USP38: variants seen among roughly 807,000 people sequenced by gnomAD.
USP38 encodes the protein ubiquitin specific peptidase 38, also known as ubiquitin carboxyl-terminal hydrolase 38.
A neutral mutation model predicts 94.3 loss-of-function variants in USP38; 49 were observed. The ratio of observed to expected loss-of-function variants is 0.52; its 90% CI spans 0.41 to 0.66. The LOEUF (loss-of-function observed/expected upper bound fraction) is 0.66, where lower values mean the gene tolerates loss of function less well. Among genes scored for constraint, USP38 ranks in the 30% least tolerant of loss-of-function variants. USP38 has a pLI of 0.00. For synonymous variants in USP38, 468 were observed against 463.6 expected (o/e 1.01, Z -0.12); for missense variants, 1,128 against 1,229.4 (o/e 0.92, Z 1.23).
At chr4:143,203,938 TTTAA>T (rs1166946776) in intron 5 of USP38, among the ~76,000 whole-genome samples, 1 of 151,952 alleles carries the variant, frequency 6.6e-6, no homozygotes, top group East Asian at 1.9e-4. Flanking sequence ...GGAAATGGAG[TTTAA>T]TAAAATATTT....
chr4:143,211,679 T>C (rs1732028214), intron 7 of USP38, among the ~76,000 whole-genome samples: 1 of 152,168 alleles, frequency 6.6e-6, no homozygotes. Context: ...TCGAGATGCC[T>C]TTTCAGTTCT....
Position 143,206,045 on chromosome 4 carries a change from C to A in USP38, c.1222C>A (p.Pro408Thr). 1 of 1,596,018 alleles carries A rather than the reference C, an allele frequency of 6.3e-7. No homozygotes were observed. Among genetic ancestry groups the A allele is most frequent in the Admixed American group, 1.7e-5 (1 of 57,246 alleles). Residue 408 changes from proline (P) to threonine (T), a missense_variant, in exon 6 of 10, where the codon CCC (proline) becomes ACC (threonine). Pro to Thr is a conservative substitution (Grantham distance 38). Transcript: ENST00000307017. ...ILEAIKDFPK[P>T]SEEKIKLILN... ...TTATGACCTATAGGATTTTCCTAAG[C>A]CCAGTGAAGAGAAGATTAAGTTAAT...
At chr4:143,186,589 A>C (rs963268953) in intron 1 of USP38, among the ~76,000 whole-genome samples, 1 of 151,848 alleles carries the variant, frequency 6.6e-6, no homozygotes, top group Non-Finnish European at 1.5e-5. Context: ...AGTTTGTTTT[A>C]TTACTGGATT....
chr4:143,209,255 A>G (rs1490743296), intron 6 of USP38, among the ~76,000 whole-genome samples: 1 of 152,172 alleles, frequency 6.6e-6, no homozygotes, highest in African/African-American at 2.4e-5. Flanking sequence ...TTAGATAGAT[A>G]ACTTCCTTAG....
chr4:143,200,277 A>G (rs1001020091), intron 4 of USP38, among the ~76,000 whole-genome samples: 18 of 152,228 alleles, frequency 1.2e-4, no homozygotes, highest in Non-Finnish European at 1.0e-4. Context: ...AAATAAAGAC[A>G]TAAACTACAT....
intron 9 of USP38, among the ~76,000 whole-genome samples, chr4:143,219,805 A>T (rs1196933313): frequency 6.6e-6 from 1 of 152,118 alleles, no homozygotes; most frequent in African/African-American, 2.4e-5. Flanking sequence ...CTTGGCATCT[A>T]GATAAATATG....
Position 143,214,687 on chromosome 4 carries a change from T to G in USP38, c.2711T>G (p.Leu904Trp). The change falls in exon 9 of 10, where the codon TTG (leucine) becomes TGG (tryptophan). Residue 904 changes from leucine to tryptophan, a missense_variant. By Grantham distance (61) the Leu-to-Trp change is moderately conservative (BLOSUM62 -2). Transcript: ENST00000307017. The stretch of plus-strand genomic sequence containing the variant: ...CCCAGTGCAGTTTTTGAACAGGATT[T>G]GGAAAATAAGGAAATGTCAAAAGAA... ...DSPSAVFEQD[L>W]ENKEMSKEWF... 1 of 1,613,766 alleles carries G rather than the reference T, an allele frequency of 6.2e-7. No homozygotes were observed.
At chr4:143,188,054 T>G in intron 2 of USP38, 93 bp downstream of exon 2, 2 of 1,394,136 alleles carry the variant, frequency 1.4e-6, no homozygotes, top group Non-Finnish European at 1.9e-6. Flanking sequence ...TACGAATGTT[T>G]AAAACTAAAA....
intron 8 of USP38, 25 bp from the exon 9 acceptor site, chr4:143,213,556 T>C (rs1204850142): frequency 6.4e-7 from 1 of 1,550,648 alleles, no homozygotes; most frequent in Non-Finnish European, 8.7e-7. Context: ...TTTAAGTAGC[T>C]ATATAATGAT....
intron 7 of USP38, among the ~76,000 whole-genome samples, chr4:143,212,040 A>C (rs188074857): frequency 3.3e-5 from 5 of 152,278 alleles, no homozygotes; most frequent in African/African-American, 7.2e-5. Context: ...GTTCTACTTT[A>C]ATGCCTTGTG....
At position 143,210,461 on chromosome 4, in the gene USP38, C is replaced by G. The variant is rs1022294991; in HGVS notation, c.1497+804C>G. Among the ~76,000 whole-genome samples the G allele has an allele frequency of 3.3e-5, 5 of 152,062 alleles. No individual in the cohort carries two copies. The East Asian group carries it at 7.7e-4, about 23-fold the overall frequency. ...AATTAGCCAGGCATGGTGGCACACG[C>G]CTGTAATCCCAGCTACTCAGGAGGC... On this transcript the variant is annotated intron_variant, in intron 7 of 9. Coordinates refer to ENST00000307017, the MANE Select transcript of USP38 (RefSeq NM_032557.6).
intron 5 of USP38, among the ~76,000 whole-genome samples, chr4:143,204,142 C>T (rs1308672511): frequency 2.6e-5 from 4 of 151,956 alleles, no homozygotes; most frequent in East Asian, 1.9e-4. Context: ...CCACCATGCC[C>T]GGCTAATTTG....
intron 3 of USP38, 73 bp downstream of exon 3, chr4:143,195,918 C>A: frequency 1.5e-6 from 2 of 1,328,888 alleles, no homozygotes; most frequent in Non-Finnish European, 2.0e-6. Flanking sequence ...TGGGTGGTAT[C>A]CTTGAAAGCA....
chr4:143,212,408 A>G lies in USP38; in HGVS notation c.1588A>G (p.Arg530Gly). Residue 530 changes from arginine (R) to glycine (G), a missense_variant, in exon 8 of 10, where the codon AGA becomes GGA. Coordinates refer to ENST00000307017, the MANE Select transcript of USP38 (RefSeq NM_032557.6). ...ACAGCAAGACTGTTCTGAATACCTC[A>G]GATTTCTCCTTGACAGGTAAAAAGT... ...RSQQDCSEYL[R>G]FLLDRLHEEE... is the part of the protein sequence containing the mutation. 6.2e-7 allele frequency: 1 copy of G among 1,601,276 alleles called. No homozygotes were observed. The highest frequency in any genetic ancestry group is 1.1e-5 in the South Asian group (1 of 88,984).
intron 9 of USP38, chr4:143,215,172 T>G: frequency 2.0e-6 from 1 of 499,462 alleles, no homozygotes; most frequent in Non-Finnish European, 3.5e-6. Context: ...TATTTGTTCC[T>G]TACAAAAGAT....
rs1289188926 is a variant in USP38 at position 143,210,503 on chromosome 4, C to T, written c.1497+846C>T. Among the ~76,000 whole-genome samples the T allele has an allele frequency of 2.0e-5, 3 of 151,872 alleles. No homozygotes were observed. The East Asian group carries it at 5.8e-4, about 29-fold the overall frequency. On this transcript the variant is annotated intron_variant, in intron 7 of 9. Transcript: ENST00000307017. ...TCAGGAGGCTGAGATAGGAGAATTG[C>T]TTGAACCCAGGAGGTGGAGCTTGCG...
In USP38 at chr4:143,203,256, G is replaced by A. The variant is rs966187655; in HGVS notation, c.1051-152G>A. 6 of 756,498 alleles carry A rather than the reference G, an allele frequency of 7.9e-6. No individual in the cohort carries two copies. The African/African-American group carries it at 1.1e-4, about 13-fold the overall frequency. 46.9% of individuals were successfully genotyped at this position (756,498 alleles called of 1,614,324 possible). ...AAACTAGATTTACCTTGATATTTTA[G>A]AAATGTTTAACTTAATAACAAGAAA... is the stretch of plus-strand genomic sequence containing the variant. On this transcript the variant is annotated intron_variant, in intron 4 of 9. Transcript: ENST00000307017.
rs1732346888 is a variant in USP38, at chr4:143,222,395, G to T, written c.*1939G>T. 6.6e-6 allele frequency: 1 copy of T among 151,984 alleles called. No individual in the cohort carries two copies. Among genetic ancestry groups the T allele is most frequent in the African/African-American group, 2.4e-5 (1 of 41,394 alleles). The allele number at this position is 151,984 out of a possible 1,614,324, so 9.4% of individuals were successfully genotyped here. ...ATTTATATAAAATAGCACAGTATTTGCATATAACCTGTGCACATCCTCCCA... is the reference window on the plus strand; with the variant it reads ...ATTTATATAAAATAGCACAGTATTTTCATATAACCTGTGCACATCCTCCCA... On this transcript the variant is annotated 3_prime_UTR_variant, in exon 10 of 10. Transcript: ENST00000307017.
rs747838635 is a variant in USP38, at chr4:143,197,874, C to G, written c.1000C>G (p.Leu334Val). The G allele has an allele frequency of 6.2e-7, 1 of 1,613,950 alleles. No homozygotes were observed. Among genetic ancestry groups the G allele is most frequent in the Non-Finnish European group, 8.5e-7 (1 of 1,179,892 alleles). The part of the protein sequence containing the change: ...PLVRPGALAV[L>V]SHMLLSFQHS... ...TGTGAGACCTGGTGCTCTTGCAGTT[C>G]TTTCTCACATGCTGCTTAGCTTTCA... The change falls in exon 4 of 10, where the codon CTT (leucine) becomes GTT (valine). Residue 334 changes from leucine to valine, a missense_variant. Leu to Val is a conservative substitution (Grantham distance 32). Transcript: ENST00000307017.
Sources: gnomAD v4.1 joint callset for allele counts (sites outside exome capture counted in the v4.1 genomes callset) on GRCh38, gnomAD v4.1.1 for gene constraint, MANE v1.5 for transcripts, NCBI Gene and HGNC (gene_info 2026-07-23, HGNC 2026-07-21) for gene names.